Variants in WDPCP observed in about 807,000 individuals in gnomAD.
The protein encoded by WDPCP is WD repeat containing planar cell polarity effector.
A neutral mutation model predicts 93.1 loss-of-function variants in WDPCP; 71 were observed. The ratio of observed to expected loss-of-function variants is 0.76; its 90% CI spans 0.63 to 0.93. WDPCP has a LOEUF of 0.93. Among genes scored for constraint, WDPCP ranks in the 40% least tolerant of loss-of-function variants. The pLI is 0.00. For missense variants in WDPCP, 844 were observed against 887.4 expected (o/e 0.95, Z 0.62); for synonymous variants, 315 against 315.0 (o/e 1.00, Z 0.00).
intron 12 of WDPCP, among the ~76,000 whole-genome samples, chr2:63,371,539 C>T (rs1455802822): frequency 1.3e-5 from 2 of 152,122 alleles, no homozygotes; most frequent in Admixed American, 6.6e-5. Context: ...GCCTCTCTGA[C>T]CCATTGTCTC....
chr2:63,328,006 C>G (rs745510732), intron 12 of WDPCP, among the ~76,000 whole-genome samples: 9 of 152,142 alleles, frequency 5.9e-5, no homozygotes, highest in Non-Finnish European at 8.8e-5. Context: ...GAGCAGTCAT[C>G]GGCCAAATTC....
intron 17 of WDPCP, among the ~76,000 whole-genome samples, chr2:63,124,817 T>G (rs1338259546): frequency 6.6e-6 from 1 of 152,178 alleles, no homozygotes; most frequent in Non-Finnish European, 1.5e-5. Context: ...TTGTCCAAAG[T>G]CAGTTAGTGG....
intron 10 of WDPCP, among the ~76,000 whole-genome samples, chr2:63,389,398 A>G (rs1426533165): frequency 6.6e-6 from 1 of 152,218 alleles, no homozygotes; most frequent in African/African-American, 2.4e-5. Flanking sequence ...TCCTAAAGGA[A>G]GCACTAAACA....
chr2:63,505,482 A>C (rs1293947335), intron 1 of WDPCP, among the ~76,000 whole-genome samples: 7 of 152,132 alleles, frequency 4.6e-5, no homozygotes, highest in Non-Finnish European at 8.8e-5. Flanking sequence ...AAAAATCAGT[A>C]GAATAAAATA....
At chr2:63,369,363 T>C in intron 12 of WDPCP, 2 of 455,394 alleles carry the variant, frequency 4.4e-6, no homozygotes, top group Admixed American at 4.7e-5. Flanking sequence ...CAGTCTGGAG[T>C]TTGAGGTCAA....
exon 1 of WDPCP, chr2:63,827,814 C>T (rs1671136663): frequency 6.6e-6 from 1 of 152,152 alleles, no homozygotes; most frequent in Non-Finnish European, 1.5e-5. Flanking sequence ...ATCTCTAGGT[C>T]AATAGCTCTG....
At chr2:63,298,435 C>T (rs1685045083) in intron 13 of WDPCP, among the ~76,000 whole-genome samples, 2 of 151,838 alleles carry the variant, frequency 1.3e-5, no homozygotes, top group South Asian at 4.2e-4. Context: ...AAGACCCACC[C>T]ACAATGTGGG....
At chr2:63,838,407 AGAAG>A in the WDPCP span, among the ~76,000 whole-genome samples, 1 of 152,234 alleles carries the variant, frequency 6.6e-6, no homozygotes, top group East Asian at 1.9e-4. Context: ...GAAAGTAGAA[AGAAG>A]GAAGAAATTA....
At chr2:63,482,662 G>C (rs191644328) in intron 6 of WDPCP, among the ~76,000 whole-genome samples, 122 of 152,038 alleles carry the variant, frequency 8.0e-4, no homozygotes, top group South Asian at 6.0e-3. Flanking sequence ...AAGAAGTGAA[G>C]GGATAATGTT....
intron 13 of WDPCP, among the ~76,000 whole-genome samples, chr2:63,306,501 C>G (rs1170693493): frequency 1.3e-5 from 2 of 152,122 alleles, no homozygotes; most frequent in African/African-American, 4.8e-5. Flanking sequence ...ATAAAATACT[C>G]GCAAACTGAC....
intron 3 of WDPCP, chr2:63,597,378 TA>T: frequency 7.4e-7 from 1 of 1,346,840 alleles, no homozygotes; most frequent in East Asian, 2.8e-5. Context: ...TAGCTCTGCG[TA>T]TTTATTGCCA....
intron 1 of WDPCP, among the ~76,000 whole-genome samples, chr2:63,580,040 G>C (rs988146677): frequency 6.6e-6 from 1 of 152,058 alleles, no homozygotes; most frequent in Non-Finnish European, 1.5e-5. Context: ...GCCATGAGAT[G>C]ACCCTCACCA....
At position 63,709,149 on chromosome 2, in the gene WDPCP, CTTGAA is replaced by C. The variant is rs1669221829; in HGVS notation, n.309-58316_309-58312del. Among the ~76,000 whole-genome samples, 4 of 25,584 alleles carry C rather than the reference CTTGAA, an allele frequency of 1.6e-4. 1 individual carries two copies. The highest frequency in any genetic ancestry group is 1.0e-3 in the African/African-American group (4 of 3,846). 16.8% of individuals were successfully genotyped at this position (25,584 alleles called of 152,430 possible). A position where few individuals can be genotyped will look rare whatever the true frequency, so the allele number is the denominator to read the frequency against. ...TAGGTAGGCTGAGGCCAGAGAATCA[CTTGAA>C]CCCTGGAGGTGTGACCCGGGCTTGG... On this transcript the variant is annotated intron_variant and non_coding_transcript_variant, in intron 2 of 4. Coordinates refer to the WDPCP transcript ENST00000467687.
At chr2:63,305,972 G>T (rs1177301603) in intron 13 of WDPCP, among the ~76,000 whole-genome samples, 3 of 152,062 alleles carry the variant, frequency 2.0e-5, no homozygotes, top group Non-Finnish European at 4.4e-5. Context: ...TATTTGAAAA[G>T]ATTAACAAAA....
chr2:63,484,937 C>G lies in WDPCP; in HGVS notation c.304G>C (p.Asp102His), dbSNP rs757449444. 4.3e-6 allele frequency: 7 copies of G among 1,612,428 alleles called. No individual in the cohort carries two copies. The East Asian group carries it at 1.6e-4, about 36-fold the overall frequency. ...GATACCTCCAACTCTTTGAGCGAGT[C>G]TCGGAGTTTTTCTGGGCGTCTGTTT... ...LKNRRPEKLRDSLKELEELMQ... is the reference protein window; with the variant it reads ...LKNRRPEKLRHSLKELEELMQ... The change falls in exon 5 of 18, where the codon GAC becomes CAC. Residue 102 changes from aspartate to histidine, a missense_variant. By Grantham distance (81) the Asp-to-His change is moderately conservative (BLOSUM62 -1). Coordinates refer to ENST00000272321, the MANE Select transcript of WDPCP (RefSeq NM_015910.7).
At chr2:63,230,791 T>C (rs1678798525) in intron 14 of WDPCP, among the ~76,000 whole-genome samples, 1 of 152,220 alleles carries the variant, frequency 6.6e-6, no homozygotes, top group Admixed American at 6.5e-5. Context: ...GTTGATTTTT[T>C]CTTGTGAATT....
At chr2:63,294,736 A>T (rs1684716326) in intron 13 of WDPCP, among the ~76,000 whole-genome samples, 1 of 151,252 alleles carries the variant, frequency 6.6e-6, no homozygotes, top group Non-Finnish European at 1.5e-5. Context: ...CCATACAAAG[A>T]AAAAAAAACT....
Position 63,433,908 on chromosome 2 carries a change from A to C in WDPCP, c.662T>G (p.Ile221Arg). ...KIFYYEIPGP[I>R]NKTTERHLAI... ...TAGATGTCGCTCTGTTGTCTTGTTT[A>C]TTGGGCCGGGTATTTCATAATAGAA... The change falls in exon 9 of 18, where the codon ATA becomes AGA. Residue 221 changes from isoleucine to arginine, a missense_variant. Physicochemically the swap from Ile to Arg is moderately conservative, Grantham distance 97. Transcript: ENST00000272321. The C allele has an allele frequency of 6.2e-7, 1 of 1,613,926 alleles. No homozygotes were observed. The highest frequency in any genetic ancestry group is 8.5e-7 in the Non-Finnish European group (1 of 1,179,886).
intron 14 of WDPCP, among the ~76,000 whole-genome samples, chr2:63,217,634 T>C (rs550657606): frequency 1.1e-4 from 16 of 152,310 alleles, no homozygotes; most frequent in African/African-American, 3.8e-4. Flanking sequence ...AAACTTTACC[T>C]CTCAGCTGTC....
Sources: gnomAD v4.1 joint callset for allele counts (sites outside exome capture counted in the v4.1 genomes callset) on GRCh38, gnomAD v4.1.1 for gene constraint, MANE v1.5 for transcripts, NCBI Gene and HGNC (gene_info 2026-07-23, HGNC 2026-07-21) for gene names.